The following NWD2 variants were observed in gnomAD, a reference collection of about 807,000 sequenced individuals.
The protein encoded by NWD2 is NACHT and WD repeat domain-containing protein 2.
NWD2 carries 37 observed loss-of-function variants against 132.7 expected under a neutral mutation model. The ratio of observed to expected loss-of-function variants is 0.28; its 90% CI spans 0.21 to 0.37. NWD2 has a LOEUF of 0.37. Ranked by LOEUF, NWD2 falls within the 10% of genes least tolerant of loss-of-function variation. The pLI is 1.00. For missense variants in NWD2, 1,592 were observed against 2,122.4 expected, an observed-to-expected ratio of 0.75 and a Z score of 4.91; for synonymous variants, 705 against 803.0, an observed-to-expected ratio of 0.88 and a Z score of 2.06.
Position 37,326,037 on chromosome 4 carries a change from T to G in NWD2, c.240+13T>G, listed in dbSNP as rs764905992. ...ATTGGAATTTCAGGTAATTCTAGTG[T>G]TAATTTCATTCACAGTTATGTCCAG... On this transcript the variant is annotated intron_variant, in intron 2 of 6. Transcript: ENST00000309447. 1 of 1,445,846 alleles carries G rather than the reference T, an allele frequency of 6.9e-7. No individual in the cohort carries two copies. The highest frequency in any genetic ancestry group is 1.2e-5 in the South Asian group (1 of 81,396). The allele number at this position is 1,445,846 out of a possible 1,614,324, so 89.6% of individuals were successfully genotyped here.
At chr4:37,287,947 C>T (rs150591105) in intron 1 of NWD2, among the ~76,000 whole-genome samples, 73 of 152,250 alleles carry the variant, frequency 4.8e-4, no homozygotes, top group Non-Finnish European at 8.4e-4. Flanking sequence ...AAAGAAAATG[C>T]GGTACATATA....
intron 2 of NWD2, among the ~76,000 whole-genome samples, chr4:37,351,729 C>A (rs780315833): frequency 6.6e-6 from 1 of 151,890 alleles, no homozygotes; most frequent in African/African-American, 2.4e-5. Flanking sequence ...CTTTAGAATT[C>A]GTTTGCTCTT....
chr4:37,343,622 G>A (rs183075970), intron 2 of NWD2, among the ~76,000 whole-genome samples: 5 of 152,120 alleles, frequency 3.3e-5, no homozygotes, highest in Non-Finnish European at 5.9e-5. Flanking sequence ...TCAAAACTCA[G>A]TCATATTATC....
chr4:37,322,938 G>A (rs1012041737), intron 1 of NWD2, among the ~76,000 whole-genome samples: 5 of 152,114 alleles, frequency 3.3e-5, no homozygotes, highest in African/African-American at 1.2e-4. Context: ...TTATTCCATC[G>A]GTCATTGCAA....
intron 2 of NWD2, among the ~76,000 whole-genome samples, chr4:37,336,768 G>A (rs1281431813): frequency 6.6e-6 from 1 of 151,692 alleles, no homozygotes; most frequent in Non-Finnish European, 1.5e-5. Context: ...GTGAAACCCC[G>A]TCTCTACTAA....
intron 3 of NWD2, among the ~76,000 whole-genome samples, chr4:37,380,692 GAAGT>G (rs1261287550): frequency 1.3e-5 from 2 of 152,170 alleles, no homozygotes; most frequent in Non-Finnish European, 2.9e-5. Flanking sequence ...AAACTTCTGT[GAAGT>G]AAGTACTACA....
At chr4:37,347,312 CAT>C (rs1719656261) in intron 2 of NWD2, among the ~76,000 whole-genome samples, 1 of 152,062 alleles carries the variant, frequency 6.6e-6, no homozygotes, top group Non-Finnish European at 1.5e-5. Context: ...ATTTCATAGA[CAT>C]ATGTTCTAAT....
intron 3 of NWD2, among the ~76,000 whole-genome samples, chr4:37,429,286 CTATA>C (rs1053760999): frequency 6.6e-6 from 1 of 151,978 alleles, no homozygotes; most frequent in Non-Finnish European, 1.5e-5. Flanking sequence ...TCTCTTTTCT[CTATA>C]TATATAAATA....
At chr4:37,336,943 T>G (rs1219556999) in intron 2 of NWD2, among the ~76,000 whole-genome samples, 2 of 34,560 alleles carry the variant, frequency 5.8e-5, no homozygotes, top group Middle Eastern at 0.028. Flanking sequence ...AAACTCCATC[T>G]CAAAAAAAGA....
intron 2 of NWD2, among the ~76,000 whole-genome samples, chr4:37,348,127 A>G (rs1459568307): frequency 6.6e-6 from 1 of 152,190 alleles, no homozygotes; most frequent in African/African-American, 2.4e-5. Flanking sequence ...GCAGTCCCAT[A>G]AGGATCTCGA....
chr4:37,375,401 GT>G (rs1366835570), intron 3 of NWD2, among the ~76,000 whole-genome samples: 1 of 152,038 alleles, frequency 6.6e-6, no homozygotes, highest in Non-Finnish European at 1.5e-5. Context: ...TTATCTATAT[GT>G]TTTTATTTAA....
chr4:37,250,715 A>G (rs993020675), intron 1 of NWD2, among the ~76,000 whole-genome samples: 3 of 152,206 alleles, frequency 2.0e-5, no homozygotes, highest in Non-Finnish European at 2.9e-5. Context: ...GAGGCATATA[A>G]ATTAGAACTC....
intron 3 of NWD2, among the ~76,000 whole-genome samples, chr4:37,423,595 T>C (rs1428265617): frequency 6.6e-6 from 1 of 152,100 alleles, no homozygotes; most frequent in Non-Finnish European, 1.5e-5. Flanking sequence ...GAGAACAAAT[T>C]CTCCTTTACT....
chr4:37,425,845 A>T (rs779462194), intron 3 of NWD2, among the ~76,000 whole-genome samples: 3 of 152,218 alleles, frequency 2.0e-5, no homozygotes, highest in Non-Finnish European at 2.9e-5. Flanking sequence ...CTTCTTGCTC[A>T]TAGCTGCTGT....
chr4:37,339,760 G>A (rs559967948), intron 2 of NWD2, among the ~76,000 whole-genome samples: 324 of 152,236 alleles, frequency 2.1e-3, no homozygotes, highest in Non-Finnish European at 2.3e-3. Flanking sequence ...TGAGCTTTTA[G>A]CATAGCCATC....
intron 2 of NWD2, among the ~76,000 whole-genome samples, chr4:37,335,921 C>A (rs1003808449): frequency 4.0e-5 from 6 of 150,196 alleles, no homozygotes; most frequent in Non-Finnish European, 8.9e-5. Context: ...ATGACTAAGA[C>A]CCAGAAGCTG....
intron 1 of NWD2, among the ~76,000 whole-genome samples, chr4:37,297,748 G>A (rs1235778274): frequency 6.6e-6 from 1 of 152,144 alleles, no homozygotes; most frequent in African/African-American, 2.4e-5. Context: ...TCTTCAGTGT[G>A]CTTTGATGTT....
At chr4:37,400,895 C>T (rs960003477) in intron 3 of NWD2, among the ~76,000 whole-genome samples, 3 of 152,302 alleles carry the variant, frequency 2.0e-5, no homozygotes, top group Admixed American at 6.5e-5. Flanking sequence ...TACCTTTCAA[C>T]GCAAGACATG....
At chr4:37,358,075 A>G (rs1482119214) in intron 3 of NWD2, among the ~76,000 whole-genome samples, 2 of 152,146 alleles carry the variant, frequency 1.3e-5, no homozygotes, top group African/African-American at 4.8e-5. Context: ...TATTTTTAAG[A>G]CTAAGAAGAC....
Sources: allele counts gnomAD v4.1 joint callset (sites outside exome capture counted in the v4.1 genomes callset), GRCh38; gene constraint gnomAD v4.1.1; transcripts MANE v1.5; gene names NCBI Gene and HGNC (gene_info 2026-07-23, HGNC 2026-07-21).